Variants in HNRNPD observed in about 807,000 individuals in gnomAD.
HNRNPD encodes heterogeneous nuclear ribonucleoprotein D0.
Under a neutral mutation model 47.9 loss-of-function variants are expected in HNRNPD, and 3 were observed. The ratio of observed to expected loss-of-function variants is 0.06; its 90% CI spans 0.03 to 0.16. HNRNPD has a LOEUF of 0.16. HNRNPD is among the 10% of genes least tolerant of loss of function. HNRNPD has a pLI of 1.00. For missense variants in HNRNPD, 287 were observed against 454.2 expected, an observed-to-expected ratio of 0.63 and a Z score of 3.35; for synonymous variants, 171 against 165.1, an observed-to-expected ratio of 1.04 and a Z score of -0.28.
At chr4:82,355,703 C>A (rs573772062) in intron 7 of HNRNPD, 17 of 370,524 alleles carry the variant, frequency 4.6e-5, no homozygotes, top group South Asian at 2.9e-4. Context: ...TTCACAACCA[C>A]CAGCAAAAAA....
intron 2 of HNRNPD, among the ~76,000 whole-genome samples, chr4:82,361,518 A>C (rs1486608866): frequency 1.3e-5 from 2 of 152,226 alleles, no homozygotes; most frequent in Non-Finnish European, 2.9e-5. Flanking sequence ...CAGCCTGAAC[A>C]CAACAGTTCT....
At chr4:82,372,679 T>C (rs1238659837) in intron 1 of HNRNPD, among the ~76,000 whole-genome samples, 2 of 152,132 alleles carry the variant, frequency 1.3e-5, no homozygotes, top group African/African-American at 4.8e-5. Flanking sequence ...AGGCCGGAGA[T>C]AGGAACAGCT....
At chr4:82,355,716 T>C (rs937833179) in intron 7 of HNRNPD, 2 of 344,192 alleles carry the variant, frequency 5.8e-6, no homozygotes, top group Non-Finnish European at 1.0e-5. Context: ...GCAAAAAATA[T>C]CTTAAAATTT....
intron 2 of HNRNPD, among the ~76,000 whole-genome samples, chr4:82,370,741 A>T (rs1291331057): frequency 6.6e-6 from 1 of 152,336 alleles, no homozygotes; most frequent in East Asian, 1.9e-4. Flanking sequence ...GTGGTGGTGT[A>T]TAAACCCCTG....
chr4:82,362,547 A>G (rs1209374861), intron 2 of HNRNPD, among the ~76,000 whole-genome samples: 3 of 152,014 alleles, frequency 2.0e-5, no homozygotes, highest in African/African-American at 4.8e-5. Context: ...AAACTGGACC[A>G]ATTCTATTCC....
chr4:82,357,334 G>A lies in HNRNPD; in HGVS notation c.732C>T (p.Tyr244=), dbSNP rs1227129079. Residue 244 remains tyrosine, a synonymous_variant, in exon 5 of 9, where the codon TAC becomes TAT. Coordinates refer to ENST00000313899, the MANE Select transcript of HNRNPD (RefSeq NM_031370.3). Reference sequence around the variant, plus strand: ...TTACTTTACTAAGACCAACATTGTGGTATTTCTTTTCCATTATCTTCTTCA... The same window carrying A: ...TTACTTTACTAAGACCAACATTGTGATATTTCTTTTCCATTATCTTCTTCA... ...EPVKKIMEKK[Y]HNVGLSKCEI... is the part of the protein sequence containing the mutation. The A allele has an allele frequency of 1.2e-6, 2 of 1,612,120 alleles. No homozygotes were observed. The highest frequency in any genetic ancestry group is 3.4e-5 in the Admixed American group (2 of 59,518).
At chr4:82,369,118 CT>C (rs1719904727) in intron 2 of HNRNPD, among the ~76,000 whole-genome samples, 2 of 152,198 alleles carry the variant, frequency 1.3e-5, no homozygotes, top group African/African-American at 2.4e-5. Context: ...GATTTTTAAA[CT>C]TTAAAAACTC....
At chr4:82,356,331 A>C in intron 7 of HNRNPD, 1 of 493,524 alleles carries the variant, frequency 2.0e-6, no homozygotes, top group Non-Finnish European at 3.6e-6. Flanking sequence ...ACATATATAG[A>C]ACCACACATA....
Position 82,357,744 on chromosome 4 carries a change from A to T in HNRNPD, c.622-300T>A, listed in dbSNP as rs1255568691. Reference sequence around the variant, plus strand: ...ACAAAGAACAAGAAGAAAACAGTCAAATCTAAGAAAAACAGAATAAAAATG... The same window carrying T: ...ACAAAGAACAAGAAGAAAACAGTCATATCTAAGAAAAACAGAATAAAAATG... On this transcript the variant is annotated intron_variant, in intron 4 of 8. Transcript: ENST00000313899. 11 of 211,572 alleles carry T rather than the reference A, an allele frequency of 5.2e-5. No individual in the cohort carries two copies. In the Admixed American group the frequency reaches 5.5e-4, roughly 11 times the overall value. The allele number at this position is 211,572 out of a possible 1,614,324, so 13.1% of individuals were successfully genotyped here. A position where few individuals can be genotyped will look rare whatever the true frequency, so the allele number is the denominator to read the frequency against.
intron 4 of HNRNPD, 96 bp downstream of exon 4, chr4:82,358,563 A>C: frequency 1.9e-6 from 2 of 1,050,994 alleles, no homozygotes; most frequent in Non-Finnish European, 2.8e-6. Flanking sequence ...ATCTACCCTA[A>C]CAGCTTTGAA....
chr4:82,364,533 C>T (rs1719653638), intron 2 of HNRNPD, among the ~76,000 whole-genome samples: 1 of 152,136 alleles, frequency 6.6e-6, no homozygotes, highest in South Asian at 2.1e-4. Context: ...TTTAAAACTG[C>T]ATAGGCTTTA....
chr4:82,356,742 G>GAT (rs1723726122), intron 6 of HNRNPD, 54 bp downstream of exon 6: 15 of 1,612,750 alleles, frequency 9.3e-6, no homozygotes, highest in Non-Finnish European at 1.3e-5. Context: ...TTTACTTCAG[G>GAT]ATAATTAAAA....
At chr4:82,356,985 A>C (rs141582595) in intron 5 of HNRNPD, 90 bp from the exon 6 acceptor site, 2 of 1,103,776 alleles carry the variant, frequency 1.8e-6, no homozygotes, top group African/African-American at 1.5e-5. Context: ...CAACATGTTT[A>C]AATAGAGTAG....
chr4:82,368,036 C>T (rs775290200), intron 2 of HNRNPD, among the ~76,000 whole-genome samples: 3 of 152,168 alleles, frequency 2.0e-5, no homozygotes, highest in African/African-American at 4.8e-5. Context: ...TCTACTAAAA[C>T]GTTGAAGCAG....
chr4:82,353,860 G>A lies in HNRNPD; in HGVS notation c.*325C>T, dbSNP rs1011514769. 3 of 152,572 alleles carry A rather than the reference G, an allele frequency of 2.0e-5. No individual in the cohort carries two copies. The highest frequency in any genetic ancestry group is 4.4e-5 in the Non-Finnish European group (3 of 68,022). 9.5% of individuals were successfully genotyped at this position (152,572 alleles called of 1,614,324 possible). On this transcript the variant is annotated 3_prime_UTR_variant, in exon 9 of 9. Coordinates refer to ENST00000313899, the MANE Select transcript of HNRNPD (RefSeq NM_031370.3). The stretch of plus-strand genomic sequence containing the variant: ...TACAAAAGGATTTATTAAAAAACCA[G>A]TAAGACACTACTACATCATGACACT...
chr4:82,359,958 G>A (rs1723889813), intron 2 of HNRNPD, among the ~76,000 whole-genome samples: 1 of 152,076 alleles, frequency 6.6e-6, no homozygotes, highest in South Asian at 2.1e-4. Context: ...AAAAAAACCA[G>A]AATCTTAGCT....
chr4:82,360,700 C>A (rs1214614330), intron 2 of HNRNPD, among the ~76,000 whole-genome samples: 1 of 152,040 alleles, frequency 6.6e-6, no homozygotes, highest in African/African-American at 2.4e-5. Flanking sequence ...TAACTCAGCT[C>A]TATAAAGAAA....
At position 82,352,609 on chromosome 4, in the gene HNRNPD, T is replaced by C. The variant is rs528879115; in HGVS notation, c.*1576A>G. ...AAAAAATTTTCATTTATTTTGACCA[T>C]GAGTCAGCAAACTTTTCTGTAAAGG... On this transcript the variant is annotated 3_prime_UTR_variant, in exon 9 of 9. Coordinates refer to ENST00000313899, the MANE Select transcript of HNRNPD (RefSeq NM_031370.3). 6.6e-6 allele frequency: 1 copy of C among 152,224 alleles called. No homozygotes were observed. Among genetic ancestry groups the C allele is most frequent in the South Asian group, 2.1e-4 (1 of 4,834 alleles). The allele number at this position is 152,224 out of a possible 1,614,324, so 9.4% of individuals were successfully genotyped here. A position where few individuals can be genotyped will look rare whatever the true frequency, so the allele number is the denominator to read the frequency against.
intron 7 of HNRNPD, 149 bp downstream of exon 7, chr4:82,356,388 A>G: frequency 1.6e-6 from 1 of 625,052 alleles, no homozygotes; most frequent in Non-Finnish European, 2.8e-6. Context: ...GGAGGAACCA[A>G]GCAATAAAAT....
Sources: gnomAD v4.1 joint callset for allele counts (sites outside exome capture counted in the v4.1 genomes callset) on GRCh38, gnomAD v4.1.1 for gene constraint, MANE v1.5 for transcripts, NCBI Gene and HGNC (gene_info 2026-07-23, HGNC 2026-07-21) for gene names.